STX18: variants seen among roughly 807,000 people sequenced by gnomAD.
The protein encoded by STX18 is syntaxin-18.
Under a neutral mutation model 50.1 loss-of-function variants are expected in STX18, and 40 were observed. The ratio of observed to expected loss-of-function variants is 0.80; its 90% CI spans 0.62 to 1.04. The LOEUF is 1.04. Ranked by LOEUF, STX18 falls within the 50% of genes least tolerant of loss-of-function variation. STX18 has a pLI of 0.00. For missense variants in STX18, 410 were observed against 415.8 expected (o/e 0.99, Z 0.12); for synonymous variants, 158 against 151.8 (o/e 1.04, Z -0.30).
intron 7 of STX18, 110 bp downstream of exon 7, chr4:4,434,660 A>G: frequency 1.2e-6 from 1 of 800,572 alleles, no homozygotes; most frequent in Non-Finnish European, 1.9e-6. Flanking sequence ...ATAATTTTTA[A>G]AACTCAGTAT....
At chr4:4,508,468 C>A (rs1447081660) in intron 1 of STX18, among the ~76,000 whole-genome samples, 1 of 151,982 alleles carries the variant, frequency 6.6e-6, no homozygotes, top group Non-Finnish European at 1.5e-5. Flanking sequence ...ACTTGGAGAC[C>A]AGGAGTGCCA....
chr4:4,536,474 G>T (rs1577413326), intron 1 of STX18, among the ~76,000 whole-genome samples: 1 of 152,222 alleles, frequency 6.6e-6, no homozygotes. Flanking sequence ...TTCAAGGAAG[G>T]CCTCACGGAG....
chr4:4,531,505 C>T (rs538014966), intron 1 of STX18, among the ~76,000 whole-genome samples: 2 of 152,268 alleles, frequency 1.3e-5, no homozygotes, highest in Non-Finnish European at 1.5e-5. Context: ...TTGATGTTTG[C>T]CCACTAATGT....
chr4:4,455,434 T>C (rs775016865), intron 5 of STX18, among the ~76,000 whole-genome samples: 1 of 152,236 alleles, frequency 6.6e-6, no homozygotes, highest in African/African-American at 2.4e-5. Context: ...GTTTCACAAA[T>C]GTGCAGAAAA....
At chr4:4,528,981 G>T (rs1336193321) in intron 1 of STX18, among the ~76,000 whole-genome samples, 1 of 152,162 alleles carries the variant, frequency 6.6e-6, no homozygotes, top group Non-Finnish European at 1.5e-5. Flanking sequence ...CATAAATTGG[G>T]TCTCCTTCCC....
Position 4,471,622 on chromosome 4 carries a change from A to G in STX18, c.236+17T>C. The G allele has an allele frequency of 6.6e-7, 1 of 1,522,926 alleles. No individual in the cohort carries two copies. The highest frequency in any genetic ancestry group is 1.3e-5 in the South Asian group (1 of 78,110). The allele number at this position is 1,522,926 out of a possible 1,614,324, so 94.3% of individuals were successfully genotyped here. A position where few individuals can be genotyped will look rare whatever the true frequency, so the allele number is the denominator to read the frequency against. On this transcript the variant is annotated intron_variant, in intron 2 of 10. Transcript: ENST00000306200. ...GAACACAGTCACCAAAGTCCTGGTA[A>G]AAAAATATGTACTTACCTATAAGCA...
At chr4:4,424,689 G>A (rs1725152893) in intron 8 of STX18, among the ~76,000 whole-genome samples, 1 of 152,158 alleles carries the variant, frequency 6.6e-6, no homozygotes, top group Non-Finnish European at 1.5e-5. Context: ...AGAAACTAGA[G>A]GCTAACGGGT....
intron 1 of STX18, among the ~76,000 whole-genome samples, chr4:4,494,559 A>G (rs1729084568): frequency 6.6e-6 from 1 of 152,226 alleles, no homozygotes; most frequent in African/African-American, 2.4e-5. Context: ...TTTTATAGGT[A>G]AGAACAGTGT....
At chr4:4,457,046 T>C in intron 5 of STX18, 145 bp downstream of exon 5, 1 of 710,786 alleles carries the variant, frequency 1.4e-6, no homozygotes. Context: ...TGGCACACAG[T>C]GAGTGCCCGG....
chr4:4,443,365 C>T (rs550560718), intron 5 of STX18, among the ~76,000 whole-genome samples: 6 of 152,284 alleles, frequency 3.9e-5, no homozygotes, highest in African/African-American at 1.4e-4. Context: ...CTAGAGCAAT[C>T]AAACAAGATG....
At chr4:4,510,057 T>G (rs1209922054) in intron 1 of STX18, among the ~76,000 whole-genome samples, 2 of 152,146 alleles carry the variant, frequency 1.3e-5, no homozygotes, top group Admixed American at 6.5e-5. Context: ...GAAATATAAA[T>G]CTGGGAGTTT....
chr4:4,423,641 G>A, intron 8 of STX18, 54 bp from the exon 9 acceptor site: 2 of 1,542,718 alleles, frequency 1.3e-6, no homozygotes, highest in Non-Finnish European at 1.8e-6. Context: ...TAATCTAACA[G>A]GACTGTTACA....
At chr4:4,495,069 A>C (rs551544492) in intron 1 of STX18, among the ~76,000 whole-genome samples, 1 of 152,296 alleles carries the variant, frequency 6.6e-6, no homozygotes, top group South Asian at 2.1e-4. Context: ...TGGACTTTGG[A>C]ATCAGACTGC....
Position 4,420,984 on chromosome 4 carries a change from T to C in STX18, c.832-40A>G. On this transcript the variant is annotated intron_variant, in intron 9 of 10. Coordinates refer to ENST00000306200, the MANE Select transcript of STX18 (RefSeq NM_016930.4). The surrounding 1 kb of genome is among the most constrained non-coding windows in gnomAD (Gnocchi z 4.3). Reference sequence around the variant, plus strand: ...ATAAATACAAGTTGAGTATCCTTTATCCAAAAACCTGAAACCCAAAATGCT... The same window carrying C: ...ATAAATACAAGTTGAGTATCCTTTACCCAAAAACCTGAAACCCAAAATGCT... The C allele has an allele frequency of 4.4e-6, 7 of 1,601,426 alleles. No individual in the cohort carries two copies. The highest frequency in any genetic ancestry group is 6.0e-6 in the Non-Finnish European group (7 of 1,169,464).
intron 5 of STX18, among the ~76,000 whole-genome samples, chr4:4,453,308 T>C (rs1182375855): frequency 6.6e-6 from 1 of 152,180 alleles, no homozygotes; most frequent in African/African-American, 2.4e-5. Flanking sequence ...ACTTCATTGT[T>C]GTCTTATTTT....
chr4:4,423,391 C>G, intron 9 of STX18, 127 bp downstream of exon 9: 3 of 893,148 alleles, frequency 3.4e-6, no homozygotes, highest in Non-Finnish European at 5.4e-6. Context: ...GCACACACAC[C>G]TGCTAGCAAC....
intron 1 of STX18, among the ~76,000 whole-genome samples, chr4:4,519,569 C>T (rs1452353525): frequency 2.0e-5 from 3 of 152,276 alleles, no homozygotes; most frequent in African/African-American, 7.2e-5. Flanking sequence ...GCATGTATTA[C>T]CTTCTCCCTA....
chr4:4,456,218 A>C (rs965501908), intron 5 of STX18, among the ~76,000 whole-genome samples: 1 of 152,034 alleles, frequency 6.6e-6, no homozygotes, highest in Non-Finnish European at 1.5e-5. Context: ...AGGTCGTGCC[A>C]CTGCACTCCA....
rs376021606 is a variant in STX18 at position 4,484,242 on chromosome 4, C to T, written c.169-12536G>A. On this transcript the variant is annotated intron_variant, in intron 1 of 10. Transcript: ENST00000306200. ...ACTACCTCTGAAAATAGTTCATGGG[C>T]CTCCCAAATAAAATACAGTTTCCAG... 1.1e-4 allele frequency among the ~76,000 whole-genome samples: 16 copies of T among 152,232 alleles called. No individual in the cohort carries two copies. In the East Asian group the frequency reaches 2.7e-3, roughly 26 times the overall value.
Sources: allele counts gnomAD v4.1 joint callset (sites outside exome capture counted in the v4.1 genomes callset), GRCh38; gene constraint gnomAD v4.1.1; non-coding constraint Gnocchi (gnomAD v3.1); transcripts MANE v1.5; gene names NCBI Gene and HGNC (gene_info 2026-07-23, HGNC 2026-07-21).